The following AP1M1 variants were observed in gnomAD, a reference collection of about 807,000 sequenced individuals.
AP1M1 encodes the protein adaptor related protein complex 1 subunit mu 1.
A neutral mutation model predicts 57.1 loss-of-function variants in AP1M1; 18 were observed. The ratio of observed to expected loss-of-function variants is 0.32; its 90% CI spans 0.22 to 0.47. The LOEUF is 0.47. Ranked by LOEUF, AP1M1 falls within the 20% of genes least tolerant of loss-of-function variation. The pLI is 1.00. For missense variants in AP1M1, 362 were observed against 593.5 expected (o/e 0.61, Z 4.05); for synonymous variants, 241 against 237.9 (o/e 1.01, Z -0.12).
At chr19:16,214,149 A>C (rs1323200808) in intron 5 of AP1M1, among the ~76,000 whole-genome samples, 3 of 150,230 alleles carry the variant, frequency 2.0e-5, no homozygotes, top group Non-Finnish European at 4.4e-5. Context: ...CCCAGGTTCA[A>C]GTGATTCTCC....
intron 5 of AP1M1, among the ~76,000 whole-genome samples, chr19:16,225,989 T>A (rs2091569373): frequency 6.6e-6 from 1 of 151,898 alleles, no homozygotes; most frequent in African/African-American, 2.4e-5. Context: ...GCTCATGGAC[T>A]CTCAAAGCTG....
At chr19:16,229,280 C>G (rs2091585712) in intron 9 of AP1M1, among the ~76,000 whole-genome samples, 1 of 152,242 alleles carries the variant, frequency 6.6e-6, no homozygotes, top group Admixed American at 6.5e-5. Context: ...CTGGCAGGTC[C>G]AAGGCCCTTT....
At chr19:16,217,975 C>T (rs2091525998) in intron 5 of AP1M1, among the ~76,000 whole-genome samples, 1 of 152,202 alleles carries the variant, frequency 6.6e-6, no homozygotes, top group African/African-American at 2.4e-5. Flanking sequence ...TGTGCTATGT[C>T]AGTTTGCCAT....
At position 16,206,486 on chromosome 19, in the gene AP1M1, C is replaced by T; in HGVS notation, c.267+78C>T. 1.4e-6 allele frequency: 2 copies of T among 1,479,884 alleles called. No individual in the cohort carries two copies. The highest frequency in any genetic ancestry group is 1.9e-6 in the Non-Finnish European group (2 of 1,061,392). The allele number at this position is 1,479,884 out of a possible 1,614,324, so 91.7% of individuals were successfully genotyped here. ...GCTTGTGGACCTCCCCATACCTGGC[C>T]ACCCTACAGAGAGCTGTGGCATCCC... On this transcript the variant is annotated intron_variant, in intron 3 of 11. Transcript: ENST00000291439. The surrounding 1 kb of genome is among the most constrained non-coding windows in gnomAD (Gnocchi z 4.3).
chr19:16,212,689 A>G (rs2145122742), intron 5 of AP1M1, among the ~76,000 whole-genome samples: 1 of 152,230 alleles, frequency 6.6e-6, no homozygotes, highest in Non-Finnish European at 1.5e-5. Context: ...TTGTGATGTT[A>G]GGTTGTTAAT....
At chr19:16,225,861 G>A (rs2091568899) in intron 5 of AP1M1, among the ~76,000 whole-genome samples, 1 of 152,146 alleles carries the variant, frequency 6.6e-6, no homozygotes, top group Non-Finnish European at 1.5e-5. Context: ...CTCCCTGGGA[G>A]GCCAAGAGGA....
At chr19:16,212,231 A>C (rs763838868) in intron 5 of AP1M1, among the ~76,000 whole-genome samples, 6 of 151,868 alleles carry the variant, frequency 4.0e-5, no homozygotes, top group African/African-American at 1.2e-4. Context: ...CGTCTGGTCC[A>C]GGTTTTTTTT....
chr19:16,229,068 G>A lies in AP1M1; in HGVS notation c.1047+140G>A, dbSNP rs2091584422. On this transcript the variant is annotated intron_variant, in intron 9 of 11. Transcript: ENST00000291439. Reference sequence around the variant, plus strand: ...CCACACCTGGGGCTTCTGAAAGGGTGGACGGAGAGCTGAGGACTGGAGTGG... The same window carrying A: ...CCACACCTGGGGCTTCTGAAAGGGTAGACGGAGAGCTGAGGACTGGAGTGG... 3.0e-6 allele frequency: 3 copies of A among 1,012,696 alleles called. No homozygotes were observed. The Admixed American group carries it at 7.1e-5, about 24-fold the overall frequency. The allele number at this position is 1,012,696 out of a possible 1,614,324, so 62.7% of individuals were successfully genotyped here.
In AP1M1 at chr19:16,232,401, G is replaced by A. The variant is rs562773807; in HGVS notation, c.1048-1092G>A. Among the ~76,000 whole-genome samples the A allele has an allele frequency of 8.2e-4, 125 of 152,340 alleles. 1 individual carries two copies. Among genetic ancestry groups the A allele is most frequent in the Admixed American group, 1.2e-3 (19 of 15,298 alleles). Reference sequence around the variant, plus strand: ...TGTGCAGGCCTCCATCGCCCCTGGCGTCTGCTTCCCTGCATTTTCTTTGTT... The same window carrying A: ...TGTGCAGGCCTCCATCGCCCCTGGCATCTGCTTCCCTGCATTTTCTTTGTT... On this transcript the variant is annotated intron_variant, in intron 9 of 11. Transcript: ENST00000291439.
rs2091637357 is a variant in AP1M1 at position 16,239,401 on chromosome 19, G to C, written c.*4966G>C. Reference sequence around the variant, plus strand: ...AGCCTGGGCAACATAGTGAGACCCTGTCTCTAAAACAAACCAACAAAACAC... The same window carrying C: ...AGCCTGGGCAACATAGTGAGACCCTCTCTCTAAAACAAACCAACAAAACAC... On this transcript the variant is annotated 3_prime_UTR_variant, in exon 12 of 12. Transcript: ENST00000291439. 4.0e-5 allele frequency: 6 copies of C among 151,062 alleles called. No individual in the cohort carries two copies. In the Admixed American group the frequency reaches 4.0e-4, roughly 10 times the overall value. 9.4% of individuals were successfully genotyped at this position (151,062 alleles called of 1,614,324 possible). A position where few individuals can be genotyped will look rare whatever the true frequency, so the allele number is the denominator to read the frequency against.
At position 16,238,174 on chromosome 19, in the gene AP1M1, A is replaced by G. The variant is rs1378873360; in HGVS notation, c.*3739A>G. 1 of 152,164 alleles carries G rather than the reference A, an allele frequency of 6.6e-6. No individual in the cohort carries two copies. Among genetic ancestry groups the G allele is most frequent in the African/African-American group, 2.4e-5 (1 of 41,420 alleles). The allele number at this position is 152,164 out of a possible 1,614,324, so 9.4% of individuals were successfully genotyped here. On this transcript the variant is annotated 3_prime_UTR_variant, in exon 12 of 12. Coordinates refer to ENST00000291439, the MANE Select transcript of AP1M1 (RefSeq NM_032493.4). ...TCTAGAACGTGCTAGCTATGTACTG[A>G]CTGTGGGAAAGTTGAGAACATCCTC...
Position 16,243,361 on chromosome 19 carries a change from T to TA in AP1M1, c.*8927dup, listed in dbSNP as rs2091651846. On this transcript the variant is annotated 3_prime_UTR_variant, in exon 12 of 12. Coordinates refer to ENST00000291439, the MANE Select transcript of AP1M1 (RefSeq NM_032493.4). ...TCAGCTCACTGCAACCTTGGCCTCC[T>TA]AGGCTGAAATAGTCCTCCCATCTCA... 1 of 151,176 alleles carries TA rather than the reference T, an allele frequency of 6.6e-6. No homozygotes were observed. Among genetic ancestry groups the TA allele is most frequent in the Non-Finnish European group, 1.5e-5 (1 of 67,830 alleles). The allele number at this position is 151,176 out of a possible 1,614,324, so 9.4% of individuals were successfully genotyped here.
intron 1 of AP1M1, among the ~76,000 whole-genome samples, chr19:16,198,650 A>C (rs572047245): frequency 1.1e-3 from 174 of 152,290 alleles, no homozygotes; most frequent in African/African-American, 4.0e-3. Flanking sequence ...GAGGTGAAGC[A>C]ACCTGACCAA....
intron 9 of AP1M1, among the ~76,000 whole-genome samples, chr19:16,230,150 A>G (rs1416303611): frequency 6.6e-6 from 1 of 152,070 alleles, no homozygotes; most frequent in Non-Finnish European, 1.5e-5. Flanking sequence ...TGTAGATTTT[A>G]CTTCGAAGCC....
At chr19:16,211,924 C>T (rs551835168) in intron 5 of AP1M1, among the ~76,000 whole-genome samples, 62 of 152,208 alleles carry the variant, frequency 4.1e-4, no homozygotes, top group Admixed American at 7.2e-4. Context: ...TGTATTGAAC[C>T]AACCTTGCAT....
rs2091652667 is a variant in AP1M1, at chr19:16,243,510, C to T, written c.*9075C>T. On this transcript the variant is annotated 3_prime_UTR_variant, in exon 12 of 12. Transcript: ENST00000291439. ...CCCAGGCTGGTCTTGCACTTGGGCTCAAGTGATCCACCTGCCTCAGCCTCC... is the reference window on the plus strand; with the variant it reads ...CCCAGGCTGGTCTTGCACTTGGGCTTAAGTGATCCACCTGCCTCAGCCTCC... 6.7e-6 allele frequency: 1 copy of T among 149,210 alleles called. No individual in the cohort carries two copies. The highest frequency in any genetic ancestry group is 6.8e-5 in the Admixed American group (1 of 14,654). 9.2% of individuals were successfully genotyped at this position (149,210 alleles called of 1,614,324 possible). A position where few individuals can be genotyped will look rare whatever the true frequency, so the allele number is the denominator to read the frequency against.
intron 1 of AP1M1, among the ~76,000 whole-genome samples, chr19:16,200,266 G>A (rs2091441542): frequency 6.6e-6 from 1 of 152,202 alleles, no homozygotes; most frequent in Non-Finnish European, 1.5e-5. Context: ...GGGGGAGGTG[G>A]TTATGAAAGG....
rs1199612642 is a variant in AP1M1 at position 16,208,961 on chromosome 19, T to C, written c.399-69T>C. ...TACCCCCCACCCAACCCTGCCGAAA[T>C]GTCAAGGCCAGAAGCTGTGGCGTTG... On this transcript the variant is annotated intron_variant, in intron 4 of 11. Transcript: ENST00000291439. 7.7e-6 allele frequency: 12 copies of C among 1,548,954 alleles called. No individual in the cohort carries two copies. The Middle Eastern group carries it at 1.1e-3, about 142-fold the overall frequency.
chr19:16,217,019 G>A (rs2091521934), intron 5 of AP1M1, among the ~76,000 whole-genome samples: 1 of 152,158 alleles, frequency 6.6e-6, no homozygotes, highest in African/African-American at 2.4e-5. Flanking sequence ...CAGCAGTAGT[G>A]GCAGTATGGC....
Sources: allele counts gnomAD v4.1 joint callset (sites outside exome capture counted in the v4.1 genomes callset), GRCh38; gene constraint gnomAD v4.1.1; non-coding constraint Gnocchi (gnomAD v3.1); transcripts MANE v1.5; gene names NCBI Gene and HGNC (gene_info 2026-07-23, HGNC 2026-07-21).